The following STX8 variants were observed in gnomAD, a reference collection of about 807,000 sequenced individuals.
STX8 encodes syntaxin-8.
In STX8, 23 loss-of-function variants were observed where a neutral mutation model predicts 37.5. The ratio of observed to expected loss-of-function variants is 0.61; its 90% CI spans 0.44 to 0.87. The LOEUF (loss-of-function observed/expected upper bound fraction) is 0.87. Among genes scored for constraint, STX8 ranks in the 40% least tolerant of loss-of-function variants. The pLI, the probability that STX8 is intolerant of heterozygous loss-of-function variation, is 0.00. For missense variants in STX8, 313 were observed against 284.7 expected (o/e 1.10, Z -0.71); for synonymous variants, 115 against 99.1 (o/e 1.16, Z -0.95).
intron 6 of STX8, among the ~76,000 whole-genome samples, chr17:9,427,103 T>G (rs1171161486): frequency 6.6e-6 from 1 of 152,332 alleles, no homozygotes; most frequent in Middle Eastern, 3.4e-3. Context: ...GGCTTCTGGG[T>G]ATTCCCCAAT....
chr17:9,332,448 G>A (rs1026457421), intron 7 of STX8, among the ~76,000 whole-genome samples: 2 of 152,174 alleles, frequency 1.3e-5, no homozygotes, highest in African/African-American at 4.8e-5. Context: ...ACAAAAGGAA[G>A]GGACAAAAAT....
intron 6 of STX8, among the ~76,000 whole-genome samples, chr17:9,444,223 G>C (rs138908166): frequency 6.6e-6 from 1 of 151,956 alleles, no homozygotes; most frequent in Non-Finnish European, 1.5e-5. Flanking sequence ...CTCCTGCCTC[G>C]AGCGGTCCTC....
At chr17:9,433,246 G>A (rs1292498374) in intron 6 of STX8, among the ~76,000 whole-genome samples, 2 of 152,212 alleles carry the variant, frequency 1.3e-5, no homozygotes, top group East Asian at 1.9e-4. Flanking sequence ...TTCAAATCAC[G>A]TCTCCTTCAC....
intron 7 of STX8, among the ~76,000 whole-genome samples, chr17:9,358,485 G>T (rs1369145399): frequency 6.6e-6 from 1 of 152,222 alleles, no homozygotes; most frequent in Non-Finnish European, 1.5e-5. Flanking sequence ...GATACAAAAG[G>T]TATTTTTAAG....
intron 4 of STX8, among the ~76,000 whole-genome samples, chr17:9,529,247 TAGAGAG>T (rs10536811): frequency 1.3e-3 from 188 of 149,598 alleles, no homozygotes; most frequent in East Asian, 2.1e-3. Context: ...ACATAGCTCT[TAGAGAG>T]AGAGAGAGAG....
intron 6 of STX8, among the ~76,000 whole-genome samples, chr17:9,445,221 A>C (rs1904796601): frequency 6.6e-6 from 1 of 152,072 alleles, no homozygotes; most frequent in South Asian, 2.1e-4. Flanking sequence ...TTCCAGAGCA[A>C]CATAAAAAAT....
At chr17:9,351,978 C>T (rs925776497) in intron 7 of STX8, among the ~76,000 whole-genome samples, 3 of 151,798 alleles carry the variant, frequency 2.0e-5, no homozygotes, top group Non-Finnish European at 4.4e-5. Flanking sequence ...GTGAGACCCC[C>T]ATCTCTACAA....
At chr17:9,408,075 G>A (rs1201239746) in intron 6 of STX8, among the ~76,000 whole-genome samples, 1 of 152,160 alleles carries the variant, frequency 6.6e-6, no homozygotes, top group Non-Finnish European at 1.5e-5. Context: ...TGTTACGCCA[G>A]AGGCAGGTTG....
chr17:9,438,123 G>A (rs939677071), intron 6 of STX8, among the ~76,000 whole-genome samples: 2 of 151,322 alleles, frequency 1.3e-5, no homozygotes, highest in Non-Finnish European at 2.9e-5. Flanking sequence ...CACACCTGTT[G>A]TCCCAGCTAC....
At chr17:9,465,226 A>G (rs571195587) in intron 6 of STX8, among the ~76,000 whole-genome samples, 20 of 152,012 alleles carry the variant, frequency 1.3e-4, no homozygotes, top group Admixed American at 5.9e-4. Context: ...AATGTCAGGC[A>G]TGTTATTTTC....
chr17:9,336,655 C>T (rs1040753137), intron 7 of STX8, among the ~76,000 whole-genome samples: 8 of 152,254 alleles, frequency 5.3e-5, no homozygotes, highest in African/African-American at 1.9e-4. Flanking sequence ...AGGCTGGTGT[C>T]GAACTCCTGA....
At chr17:9,341,706 G>A (rs1347275810) in intron 7 of STX8, among the ~76,000 whole-genome samples, 1 of 152,164 alleles carries the variant, frequency 6.6e-6, no homozygotes, top group African/African-American at 2.4e-5. Flanking sequence ...TAAAGTGCTG[G>A]GATTACAGGC....
chr17:9,421,493 G>A (rs1913427812), intron 6 of STX8, among the ~76,000 whole-genome samples: 1 of 145,212 alleles, frequency 6.9e-6, no homozygotes, highest in Non-Finnish European at 1.5e-5. Context: ...ATAATACAAT[G>A]TAGCAGAATA....
rs1904898052 is a variant in STX8 at position 9,507,925 on chromosome 17, T to C, written c.324-2763A>G. Among the ~76,000 whole-genome samples, 1 of 152,150 alleles carries C rather than the reference T, an allele frequency of 6.6e-6. No individual in the cohort carries two copies. The highest frequency in any genetic ancestry group is 1.5e-5 in the Non-Finnish European group (1 of 68,038). On this transcript the variant is annotated intron_variant, in intron 4 of 7. Coordinates refer to ENST00000306357, the MANE Select transcript of STX8 (RefSeq NM_004853.3). The surrounding 1 kb of genome is among the most constrained non-coding windows in gnomAD (Gnocchi z 4.0). The stretch of plus-strand genomic sequence containing the variant: ...ACCCCAAGATCCATTCATACAAATA[T>C]TTCTTTCCCTGCAAAACCTACCACA...
chr17:9,389,882 T>C (rs1449938977), intron 6 of STX8, among the ~76,000 whole-genome samples: 1 of 151,940 alleles, frequency 6.6e-6, no homozygotes, highest in Admixed American at 6.6e-5. Context: ...AAATGGGGGG[T>C]GGTGGTGACC....
intron 3 of STX8, among the ~76,000 whole-genome samples, chr17:9,552,622 AT>A (rs1487448374): frequency 6.6e-6 from 1 of 151,968 alleles, no homozygotes; most frequent in Non-Finnish European, 1.5e-5. Context: ...TTTCCAAAAA[AT>A]AGAGTAGAGA....
At chr17:9,422,721 G>A (rs541026159) in intron 6 of STX8, among the ~76,000 whole-genome samples, 3 of 152,318 alleles carry the variant, frequency 2.0e-5, no homozygotes, top group East Asian at 1.9e-4. Context: ...AACTGCAATG[G>A]TGAATAGCTG....
chr17:9,362,402 T>C (rs1911088711), intron 7 of STX8, among the ~76,000 whole-genome samples: 1 of 152,208 alleles, frequency 6.6e-6, no homozygotes, highest in African/African-American at 2.4e-5. Flanking sequence ...AAGGAATCTC[T>C]ATCTACCAAT....
intron 6 of STX8, among the ~76,000 whole-genome samples, chr17:9,482,109 C>A (rs1906374224): frequency 6.6e-6 from 1 of 152,084 alleles, no homozygotes. Context: ...GAGCTCCAGG[C>A]CACAGTGTAC....
Sources: allele counts gnomAD v4.1 joint callset (sites outside exome capture counted in the v4.1 genomes callset), GRCh38; gene constraint gnomAD v4.1.1; non-coding constraint Gnocchi (gnomAD v3.1); transcripts MANE v1.5; gene names NCBI Gene and HGNC (gene_info 2026-07-23, HGNC 2026-07-21).